CCDC178: variants seen among roughly 807,000 people sequenced by gnomAD.
CCDC178 encodes coiled-coil domain-containing protein 178.
In CCDC178, 126 loss-of-function variants were observed where a neutral mutation model predicts 117.4. The ratio of observed to expected loss-of-function variants is 1.07; its 90% CI spans 0.93 to 1.24. The LOEUF (loss-of-function observed/expected upper bound fraction) is 1.24. CCDC178 is among the 50% of genes most tolerant of loss of function. The pLI, the probability that CCDC178 is intolerant of heterozygous loss-of-function variation, is 0.00. For missense variants in CCDC178, 1,030 were observed against 986.9 expected, an observed-to-expected ratio of 1.04 and a Z score of -0.59; for synonymous variants, 283 against 313.4, an observed-to-expected ratio of 0.90 and a Z score of 1.02.
intron 14 of CCDC178, 126 bp from the exon 15 acceptor site, chr18:33,245,554 T>A (rs992024020): frequency 3.8e-6 from 4 of 1,042,540 alleles, no homozygotes; most frequent in Non-Finnish European, 3.8e-6. Context: ...GATAATTAGC[T>A]AAAACTTGAA....
chr18:33,278,750 A>T (rs2059984735), intron 12 of CCDC178, among the ~76,000 whole-genome samples: 1 of 152,172 alleles, frequency 6.6e-6, no homozygotes, highest in African/African-American at 2.4e-5. Context: ...CTGCTGGACA[A>T]TATGGAACGA....
intron 2 of CCDC178, among the ~76,000 whole-genome samples, chr18:33,426,025 A>C (rs1267058787): frequency 1.3e-5 from 2 of 152,228 alleles, no homozygotes. Context: ...GAGGTAGCAA[A>C]GATTATATCA....
chr18:32,960,620 T>C (rs2054686919), intron 22 of CCDC178, among the ~76,000 whole-genome samples: 1 of 152,104 alleles, frequency 6.6e-6, no homozygotes, highest in South Asian at 2.1e-4. Flanking sequence ...AGTCCCTAAA[T>C]TGGACCCACA....
chr18:33,401,740 G>A (rs1012284700), intron 3 of CCDC178, among the ~76,000 whole-genome samples: 4 of 151,844 alleles, frequency 2.6e-5, no homozygotes, highest in Non-Finnish European at 5.9e-5. Flanking sequence ...AAGTTCAAAG[G>A]TAGATGGGCA....
chr18:33,348,284 G>A (rs1276159760), intron 8 of CCDC178, among the ~76,000 whole-genome samples: 1 of 151,566 alleles, frequency 6.6e-6, no homozygotes, highest in East Asian at 1.9e-4. Context: ...GGAAGAGGAG[G>A]TACTACATAA....
intron 21 of CCDC178, among the ~76,000 whole-genome samples, chr18:32,993,908 A>T (rs2055447406): frequency 6.6e-6 from 1 of 152,130 alleles, no homozygotes; most frequent in Admixed American, 6.5e-5. Context: ...TACACTGTAA[A>T]ATTTTATTAG....
intron 20 of CCDC178, among the ~76,000 whole-genome samples, chr18:33,170,699 A>C (rs1181284002): frequency 6.6e-6 from 1 of 152,190 alleles, no homozygotes; most frequent in Admixed American, 6.5e-5. Flanking sequence ...TAAAATAGCC[A>C]TATTGTTACA....
chr18:33,340,338 C>A (rs1300782429), intron 9 of CCDC178, among the ~76,000 whole-genome samples: 2 of 152,126 alleles, frequency 1.3e-5, no homozygotes, highest in African/African-American at 4.8e-5. Flanking sequence ...CTTTTAAAAG[C>A]ATTCCATTTT....
intron 20 of CCDC178, among the ~76,000 whole-genome samples, chr18:33,139,449 A>T (rs1157647634): frequency 6.6e-6 from 1 of 152,186 alleles, no homozygotes; most frequent in African/African-American, 2.4e-5. Flanking sequence ...TTTGACAAAA[A>T]TGCTGATAGT....
At chr18:33,042,053 AG>A (rs1443226077) in intron 21 of CCDC178, among the ~76,000 whole-genome samples, 3 of 151,948 alleles carry the variant, frequency 2.0e-5, no homozygotes, top group Non-Finnish European at 4.4e-5. Flanking sequence ...TATTCATTGA[AG>A]TTATTGATTT....
At chr18:33,059,013 A>T (rs575100519) in intron 21 of CCDC178, among the ~76,000 whole-genome samples, 10 of 152,306 alleles carry the variant, frequency 6.6e-5, no homozygotes, top group Admixed American at 4.6e-4. Context: ...TGCTGCCAGT[A>T]GTATCCTGGA....
At chr18:33,398,691 G>A (rs190873985) in intron 3 of CCDC178, among the ~76,000 whole-genome samples, 1 of 152,136 alleles carries the variant, frequency 6.6e-6, no homozygotes, top group Non-Finnish European at 1.5e-5. Context: ...GAACACATTA[G>A]AGTGAAATAA....
At chr18:33,380,714 C>T (rs2063429311) in intron 5 of CCDC178, among the ~76,000 whole-genome samples, 1 of 152,210 alleles carries the variant, frequency 6.6e-6, no homozygotes, top group Admixed American at 6.5e-5. Flanking sequence ...ATGTCCTTCA[C>T]ATTCTGGTGG....
At chr18:33,073,311 A>C (rs2057141792) in intron 21 of CCDC178, among the ~76,000 whole-genome samples, 1 of 152,046 alleles carries the variant, frequency 6.6e-6, no homozygotes, top group Non-Finnish European at 1.5e-5. Flanking sequence ...GGAATCATAT[A>C]TTACATGATT....
chr18:32,948,185 C>T (rs2054398077), intron 22 of CCDC178, among the ~76,000 whole-genome samples: 1 of 152,014 alleles, frequency 6.6e-6, no homozygotes, highest in African/African-American at 2.4e-5. Flanking sequence ...ATTCTATGTC[C>T]TTTCCATTTC....
chr18:33,281,431 T>C (rs1490783262), intron 12 of CCDC178, among the ~76,000 whole-genome samples: 1 of 152,164 alleles, frequency 6.6e-6, no homozygotes, highest in Non-Finnish European at 1.5e-5. Flanking sequence ...AGAGTTATTA[T>C]GTAGTTTTGG....
chr18:33,435,646 A>T (rs2064278368), intron 2 of CCDC178, among the ~76,000 whole-genome samples: 3 of 151,590 alleles, frequency 2.0e-5, no homozygotes, highest in Admixed American at 2.0e-4. Flanking sequence ...AAAAATGATC[A>T]AGAAGACTAC....
chr18:33,100,368 G>T (rs3980618), intron 20 of CCDC178, among the ~76,000 whole-genome samples: 21,543 of 151,706 alleles, frequency 0.14, 2,339 homozygotes, highest in African/African-American at 0.31. Context: ...TGTCTCTGTT[G>T]TATATATTTG....
At chr18:33,124,396 G>A (rs1042237322) in intron 20 of CCDC178, among the ~76,000 whole-genome samples, 4 of 152,026 alleles carry the variant, frequency 2.6e-5, no homozygotes, top group African/African-American at 9.7e-5. Context: ...TCTTTCCACA[G>A]GTTTTATGTG....
Sources: gnomAD v4.1 joint callset for allele counts (sites outside exome capture counted in the v4.1 genomes callset) on GRCh38, gnomAD v4.1.1 for gene constraint, MANE v1.5 for transcripts, NCBI Gene and HGNC (gene_info 2026-07-23, HGNC 2026-07-21) for gene names.